The following NIPAL3 variants were observed in gnomAD, a reference collection of about 807,000 sequenced individuals.
NIPAL3 encodes NIPA-like protein 3.
In NIPAL3, 41 loss-of-function variants were observed where a neutral mutation model predicts 47.2. The ratio of observed to expected loss-of-function variants is 0.87; its 90% CI spans 0.68 to 1.13. NIPAL3 has a LOEUF of 1.13. Among genes scored for constraint, NIPAL3 ranks in the 50% most tolerant of loss-of-function variants. The probability of loss-of-function intolerance (pLI) is 0.00; values close to 1 mark genes in which losing one functional copy is unlikely to be tolerated. For synonymous variants in NIPAL3, 194 were observed against 209.6 expected, an observed-to-expected ratio of 0.93 and a Z score of 0.64; for missense variants, 449 against 530.1, an observed-to-expected ratio of 0.85 and a Z score of 1.50.
At chr1:24,465,961 G>T in intron 11 of NIPAL3, 1 of 1,576,572 alleles carries the variant, frequency 6.3e-7, no homozygotes, top group South Asian at 1.2e-5. Flanking sequence ...CAGCCACTTG[G>T]TTTCCCTGGT....
Position 24,419,457 on chromosome 1 carries a change from C to T in NIPAL3, c.-91C>T. On this transcript the variant is annotated 5_prime_UTR_variant, in exon 2 of 12. Coordinates refer to ENST00000374399, the MANE Select transcript of NIPAL3 (RefSeq NM_020448.5). The stretch of plus-strand genomic sequence containing the variant: ...GACGGCTGCTGGAGGGAGGTGAACA[C>T]CACAAGGAGAGATGGCATCTGGCCT... 1 of 1,437,342 alleles carries T rather than the reference C, an allele frequency of 7.0e-7. No individual in the cohort carries two copies. Among genetic ancestry groups the T allele is most frequent in the Non-Finnish European group, 9.2e-7 (1 of 1,092,014 alleles). 89.0% of individuals were successfully genotyped at this position (1,437,342 alleles called of 1,614,324 possible).
intron 11 of NIPAL3, among the ~76,000 whole-genome samples, chr1:24,467,043 G>A (rs563907593): frequency 2.2e-4 from 34 of 152,306 alleles, no homozygotes; most frequent in South Asian, 8.3e-4. Context: ...GTGACCTTGG[G>A]CAAGTTACTT....
intron 10 of NIPAL3, among the ~76,000 whole-genome samples, chr1:24,461,810 A>G (rs919816075): frequency 6.6e-6 from 1 of 151,986 alleles, no homozygotes; most frequent in African/African-American, 2.4e-5. Context: ...TGGAGGTTGC[A>G]GTGAGCTGAG....
rs1356369393 is a variant in NIPAL3, at chr1:24,460,440, G to A, written c.863-41G>A. 2.6e-6 allele frequency: 4 copies of A among 1,544,486 alleles called. No individual in the cohort carries two copies. The South Asian group carries it at 4.8e-5, about 18-fold the overall frequency. On this transcript the variant is annotated intron_variant, in intron 9 of 11. Coordinates refer to ENST00000374399, the MANE Select transcript of NIPAL3 (RefSeq NM_020448.5). ...AGACAGACTGGCAGATGGGTGATTT[G>A]AAAACAGCTCAGCGGTATTTTCTAT...
chr1:24,446,948 C>T (rs534731816), intron 5 of NIPAL3, among the ~76,000 whole-genome samples: 6 of 152,190 alleles, frequency 3.9e-5, no homozygotes, highest in South Asian at 2.1e-4. Context: ...GTCTGTGGGC[C>T]GGGTTTTCCA....
Position 24,469,403 on chromosome 1 carries a change from C to T in NIPAL3, c.*218C>T, listed in dbSNP as rs1261444425. On this transcript the variant is annotated 3_prime_UTR_variant, in exon 12 of 12. Transcript: ENST00000374399. ...GGATGGAAGCATTATTCCAGGTGGACGGGATAGAATCCAGCCTCTGCCTGG... is the reference window on the plus strand; with the variant it reads ...GGATGGAAGCATTATTCCAGGTGGATGGGATAGAATCCAGCCTCTGCCTGG... 3 of 530,832 alleles carry T rather than the reference C, an allele frequency of 5.7e-6. No individual in the cohort carries two copies. Among genetic ancestry groups the T allele is most frequent in the South Asian group, 5.3e-5 (2 of 37,944 alleles). 32.9% of individuals were successfully genotyped at this position (530,832 alleles called of 1,614,324 possible). A position where few individuals can be genotyped will look rare whatever the true frequency, so the allele number is the denominator to read the frequency against.
intron 8 of NIPAL3, 137 bp from the exon 9 acceptor site, chr1:24,458,751 A>C (rs1397048877): frequency 3.0e-6 from 2 of 664,236 alleles, no homozygotes; most frequent in Non-Finnish European, 2.8e-6. Context: ...CTGTAACATG[A>C]GGGTGGCATT....
chr1:24,467,844 A>C (rs1405749486), intron 11 of NIPAL3, among the ~76,000 whole-genome samples: 1 of 152,154 alleles, frequency 6.6e-6, no homozygotes, highest in African/African-American at 2.4e-5. Context: ...AGCCTGGAAA[A>C]CATAGACTCT....
intron 2 of NIPAL3, among the ~76,000 whole-genome samples, chr1:24,430,256 T>C (rs909937570): frequency 6.6e-6 from 1 of 151,134 alleles, no homozygotes; most frequent in Non-Finnish European, 1.5e-5. Context: ...TTTTCCTTTT[T>C]TTTGAGACAG....
intron 5 of NIPAL3, among the ~76,000 whole-genome samples, chr1:24,447,760 T>C (rs747078970): frequency 9.9e-5 from 15 of 152,232 alleles, no homozygotes; most frequent in African/African-American, 3.6e-4. Flanking sequence ...GTCCAAGCAG[T>C]GCCCTGTGTG....
At chr1:24,438,817 T>C (rs1226854481) in intron 2 of NIPAL3, among the ~76,000 whole-genome samples, 1 of 152,296 alleles carries the variant, frequency 6.6e-6, no homozygotes, top group African/African-American at 2.4e-5. Context: ...TTGGCCAGCA[T>C]AGAGCATTCC....
chr1:24,446,436 C>G (rs1039547118), intron 5 of NIPAL3, among the ~76,000 whole-genome samples: 1 of 151,946 alleles, frequency 6.6e-6, no homozygotes, highest in Admixed American at 6.6e-5. Context: ...AAACCCCCAC[C>G]CTCCAACAAG....
chr1:24,461,630 G>A (rs528964479), intron 10 of NIPAL3, among the ~76,000 whole-genome samples: 1 of 152,040 alleles, frequency 6.6e-6, no homozygotes, highest in South Asian at 2.1e-4. Flanking sequence ...ACTTTGGGAG[G>A]CTGAGGCAGG....
intron 2 of NIPAL3, among the ~76,000 whole-genome samples, chr1:24,432,816 A>G (rs1256474721): frequency 6.6e-6 from 1 of 152,214 alleles, no homozygotes; most frequent in African/African-American, 2.4e-5. Flanking sequence ...TATGATTATC[A>G]TTGTCGTCAT....
intron 2 of NIPAL3, among the ~76,000 whole-genome samples, chr1:24,420,747 G>A (rs1449622599): frequency 1.3e-5 from 2 of 152,178 alleles, no homozygotes; most frequent in South Asian, 2.1e-4. Context: ...CCAATAATCC[G>A]TTGAGCTGCT....
intron 1 of NIPAL3, among the ~76,000 whole-genome samples, chr1:24,418,153 A>G (rs1486313850): frequency 6.6e-6 from 1 of 152,248 alleles, no homozygotes; most frequent in Non-Finnish European, 1.5e-5. Context: ...TGGCAAAGGT[A>G]AAACAGGTAG....
chr1:24,463,056 G>A (rs1163980134), intron 10 of NIPAL3, among the ~76,000 whole-genome samples: 7 of 152,044 alleles, frequency 4.6e-5, no homozygotes, highest in African/African-American at 1.7e-4. Flanking sequence ...TGGCATGCTG[G>A]CACGTGCCTG....
chr1:24,428,995 G>A (rs955831460), intron 2 of NIPAL3, among the ~76,000 whole-genome samples: 2 of 152,204 alleles, frequency 1.3e-5, no homozygotes, highest in Middle Eastern at 3.4e-3. Flanking sequence ...CTAAATCCTC[G>A]TGGATTTAGT....
intron 9 of NIPAL3, among the ~76,000 whole-genome samples, chr1:24,459,710 TG>T (rs1646383804): frequency 6.6e-6 from 1 of 152,246 alleles, no homozygotes; most frequent in Admixed American, 6.5e-5. Flanking sequence ...GGGCCCATGC[TG>T]TGAGCAGCAC....
Sources: gnomAD v4.1 joint callset for allele counts (sites outside exome capture counted in the v4.1 genomes callset) on GRCh38, gnomAD v4.1.1 for gene constraint, MANE v1.5 for transcripts, NCBI Gene and HGNC (gene_info 2026-07-23, HGNC 2026-07-21) for gene names.